Variants in SPATA31H1 observed in about 807,000 individuals in gnomAD.
SPATA31H1 encodes the protein spermatogenesis-associated protein 31H1.
At chr2:27,577,334 G>A in the SPATA31H1 span, 162 of 1,614,086 alleles carry the variant, frequency 1.0e-4, 1 homozygote, top group East Asian at 3.5e-3. This position sits in a 1 kb window ranked among gnomAD's most constrained non-coding sequence, Gnocchi z 4.5. Flanking sequence ...TATATATGAA[G>A]CCACTGCAGC....
At chr2:27,580,396 G>A in the SPATA31H1 span, 3 of 1,613,946 alleles carry the variant, frequency 1.9e-6, no homozygotes, top group Admixed American at 1.7e-5. Flanking sequence ...AATGAAAAAC[G>A]GGCTAAAGTG....
chr2:27,555,097 A>G, the SPATA31H1 span, among the ~76,000 whole-genome samples: 1 of 152,018 alleles, frequency 6.6e-6, no homozygotes, highest in African/African-American at 2.4e-5. Flanking sequence ...TTTATTATAA[A>G]TTATTGTAGG....
chr2:27,570,991 G>T, the SPATA31H1 span: 1 of 398,648 alleles, frequency 2.5e-6, no homozygotes, highest in African/African-American at 2.1e-5. Context: ...TTGATACAAA[G>T]ACCACAGTTA....
chr2:27,567,542 A>G, the SPATA31H1 span: 2 of 403,320 alleles, frequency 5.0e-6, no homozygotes, highest in South Asian at 1.2e-4. Flanking sequence ...CAGAAACAAA[A>G]CTTTCACAGT....
chr2:27,581,021 T>C, the SPATA31H1 span: 3 of 1,614,142 alleles, frequency 1.9e-6, no homozygotes, highest in Non-Finnish European at 2.5e-6. Flanking sequence ...AGGACAGTAG[T>C]AGCAGATCAA....
chr2:27,538,027 A>G, the SPATA31H1 span, among the ~76,000 whole-genome samples: 4 of 152,116 alleles, frequency 2.6e-5, no homozygotes, highest in African/African-American at 9.7e-5. Context: ...CATTGGAAAA[A>G]AGATGTGGGA....
chr2:27,573,318 G>C, the SPATA31H1 span: 5 of 398,038 alleles, frequency 1.3e-5, no homozygotes, highest in African/African-American at 1.0e-4. Flanking sequence ...GTCAAACAAA[G>C]ACTCACAGCT....
At chr2:27,576,480 G>A in the SPATA31H1 span, 1 of 976,366 alleles carries the variant, frequency 1.0e-6, no homozygotes, top group Non-Finnish European at 1.5e-6. Flanking sequence ...ACCTCAAAGT[G>A]TAAATTCTTC....
At chr2:27,577,391 T>C in the SPATA31H1 span, 3 of 1,613,958 alleles carry the variant, frequency 1.9e-6, no homozygotes, top group Non-Finnish European at 2.5e-6. The surrounding 1 kb of genome is among the most constrained non-coding windows in gnomAD (Gnocchi z 4.5). Flanking sequence ...AGCATTACTT[T>C]ACAGAAGCTA....
At chr2:27,555,900 G>C in the SPATA31H1 span, among the ~76,000 whole-genome samples, 1 of 151,928 alleles carries the variant, frequency 6.6e-6, no homozygotes, top group Non-Finnish European at 1.5e-5. Flanking sequence ...TTGGGAAGCT[G>C]AGGCGAGCGG....
the SPATA31H1 span, chr2:27,570,442 A>C: frequency 1.3e-5 from 5 of 398,836 alleles, no homozygotes; most frequent in Middle Eastern, 6.2e-4. Context: ...TCTGCGGATC[A>C]AACTCCAGGA....
the SPATA31H1 span, chr2:27,578,550 G>C: frequency 1.2e-6 from 2 of 1,613,868 alleles, no homozygotes; most frequent in Admixed American, 3.3e-5. Context: ...AGTGAAGTCT[G>C]CAGAATTAAC....
At chr2:27,581,442 A>G in the SPATA31H1 span, 2 of 1,614,110 alleles carry the variant, frequency 1.2e-6, no homozygotes, top group Non-Finnish European at 1.7e-6. Context: ...GAGCTGTCAC[A>G]GTCTCTCTGA....
the SPATA31H1 span, chr2:27,582,658 C>G: frequency 1.1e-6 from 1 of 896,288 alleles, no homozygotes; most frequent in South Asian, 1.7e-5. Flanking sequence ...TTCTCTCTAC[C>G]GGGGGGGAGG....
At chr2:27,568,792 C>T in the SPATA31H1 span, 1 of 398,946 alleles carries the variant, frequency 2.5e-6, no homozygotes, top group Non-Finnish European at 4.4e-6. Flanking sequence ...AGGTCAATTC[C>T]TGAGACACAG....
the SPATA31H1 span, chr2:27,580,214 A>G: frequency 6.2e-7 from 1 of 1,614,174 alleles, no homozygotes; most frequent in Non-Finnish European, 8.5e-7. Context: ...CTACTTCCAC[A>G]ATAGATTTGC....
the SPATA31H1 span, chr2:27,571,259 T>G: frequency 1.8e-5 from 7 of 398,406 alleles, no homozygotes; most frequent in Non-Finnish European, 3.1e-5. Context: ...AGCTTCAATC[T>G]GAGTTGCTGA....
At chr2:27,580,151 T>A in the SPATA31H1 span, 8 of 1,614,184 alleles carry the variant, frequency 5.0e-6, no homozygotes, top group Middle Eastern at 1.6e-4. Context: ...GGAGAAGCCC[T>A]ATATCACCAT....
At chr2:27,539,637 CT>C in the SPATA31H1 span, among the ~76,000 whole-genome samples, 1 of 111,452 alleles carries the variant, frequency 9.0e-6, no homozygotes, top group Admixed American at 1.1e-4. Context: ...CTGGGCACAC[CT>C]CCCAGACGGG....
Sources: allele counts gnomAD v4.1 joint callset (sites outside exome capture counted in the v4.1 genomes callset), GRCh38; gene constraint gnomAD v4.1.1; non-coding constraint Gnocchi (gnomAD v3.1); transcripts MANE v1.5; gene names NCBI Gene and HGNC (gene_info 2026-07-23, HGNC 2026-07-21).